Variants in CCBE1 observed in about 807,000 individuals in gnomAD.
The protein encoded by CCBE1 is collagen and calcium binding EGF domains 1.
A neutral mutation model predicts 50.0 loss-of-function variants in CCBE1; 37 were observed. The observed-to-expected ratio is 0.74, with a 90% CI of 0.57 to 0.97. The LOEUF (loss-of-function observed/expected upper bound fraction) is 0.97. Ranked by LOEUF, CCBE1 falls within the 50% of genes least tolerant of loss-of-function variation. The pLI is 0.00. For missense variants in CCBE1, 538 were observed against 523.8 expected (o/e 1.03, Z -0.26); for synonymous variants, 234 against 203.7 (o/e 1.15, Z -1.27).
intron 2 of CCBE1, among the ~76,000 whole-genome samples, chr18:59,548,913 GC>G (rs1177859547): frequency 6.6e-6 from 1 of 151,990 alleles, no homozygotes; most frequent in African/African-American, 2.4e-5. Context: ...GACCAGCCTG[GC>G]CAACATGGCA....
rs923328679 is a variant in CCBE1 at position 59,469,740 on chromosome 18, G to A, written c.266-133C>T. ...GAAGTGTGGACAGATATACTTGGAG[G>A]GACAGGAACTCTTTAGGGCTGTGGG... On this transcript the variant is annotated intron_variant, in intron 3 of 10. Transcript: ENST00000439986. 32 of 1,184,014 alleles carry A rather than the reference G, an allele frequency of 2.7e-5. No homozygotes were observed. The African/African-American group carries it at 3.6e-4, about 13-fold the overall frequency. 73.3% of individuals were successfully genotyped at this position (1,184,014 alleles called of 1,614,324 possible). A position where few individuals can be genotyped will look rare whatever the true frequency, so the allele number is the denominator to read the frequency against.
rs139926091 is a variant in CCBE1, at chr18:59,435,755, G to A, written c.*153C>T. On this transcript the variant is annotated 3_prime_UTR_variant, in exon 11 of 11. Coordinates refer to ENST00000439986, the MANE Select transcript of CCBE1 (RefSeq NM_133459.4). ...AGGAGGGGACTCTGAAAATAGCATC[G>A]TATTTGGAAGAAGAGGAGTGGAGAG... The A allele has an allele frequency of 3.0e-4, 234 of 768,392 alleles. No individual in the cohort carries two copies. In the African/African-American group the frequency reaches 3.2e-3, roughly 10 times the overall value. 47.6% of individuals were successfully genotyped at this position (768,392 alleles called of 1,614,324 possible). A position where few individuals can be genotyped will look rare whatever the true frequency, so the allele number is the denominator to read the frequency against.
At chr18:59,570,331 G>A (rs2052891233) in intron 2 of CCBE1, among the ~76,000 whole-genome samples, 1 of 152,204 alleles carries the variant, frequency 6.6e-6, no homozygotes, top group African/African-American at 2.4e-5. Context: ...AAAACGTTTA[G>A]TGAGGTCAAG....
At chr18:59,525,218 C>T (rs564667358) in intron 2 of CCBE1, among the ~76,000 whole-genome samples, 1 of 152,326 alleles carries the variant, frequency 6.6e-6, no homozygotes, top group South Asian at 2.1e-4. Flanking sequence ...TCCTCTCTTT[C>T]CACATCCTTG....
chr18:59,548,676 G>C (rs1459411083), intron 2 of CCBE1, among the ~76,000 whole-genome samples: 1 of 152,126 alleles, frequency 6.6e-6, no homozygotes, highest in African/African-American at 2.4e-5. Context: ...TTTGGGCCAG[G>C]CACAGTGGCT....
At chr18:59,598,469 A>G (rs2053386523) in intron 2 of CCBE1, among the ~76,000 whole-genome samples, 2 of 152,214 alleles carry the variant, frequency 1.3e-5, no homozygotes. Flanking sequence ...CAGGACCTAA[A>G]GCACACCCAG....
At chr18:59,541,203 G>C (rs1379962800) in intron 2 of CCBE1, among the ~76,000 whole-genome samples, 1 of 152,136 alleles carries the variant, frequency 6.6e-6, no homozygotes, top group African/African-American at 2.4e-5. Context: ...TATTACACTT[G>C]AATTAAGTAG....
At chr18:59,574,673 T>C (rs192211581) in intron 2 of CCBE1, among the ~76,000 whole-genome samples, 12 of 152,320 alleles carry the variant, frequency 7.9e-5, no homozygotes, top group Middle Eastern at 3.4e-3. Flanking sequence ...TTTGCAGGGA[T>C]ATTCTCTGTT....
intron 7 of CCBE1, among the ~76,000 whole-genome samples, chr18:59,446,327 C>T (rs1336701871): frequency 6.6e-6 from 1 of 152,170 alleles, no homozygotes; most frequent in African/African-American, 2.4e-5. Flanking sequence ...AGTTGACTTC[C>T]TCCAGAGAAG....
At chr18:59,514,291 G>A (rs928575120) in intron 2 of CCBE1, among the ~76,000 whole-genome samples, 1 of 152,118 alleles carries the variant, frequency 6.6e-6, no homozygotes, top group East Asian at 1.9e-4. Flanking sequence ...AATCAGTGGC[G>A]TTTAATAAGT....
At chr18:59,511,097 C>T (rs533033230) in intron 2 of CCBE1, among the ~76,000 whole-genome samples, 6 of 152,308 alleles carry the variant, frequency 3.9e-5, no homozygotes, top group Admixed American at 3.9e-4. Flanking sequence ...CCTGTGTCTT[C>T]AGGACTTTCT....
At chr18:59,548,331 C>A (rs939522154) in intron 2 of CCBE1, among the ~76,000 whole-genome samples, 29 of 152,312 alleles carry the variant, frequency 1.9e-4, no homozygotes, top group African/African-American at 6.5e-4. Context: ...TCTGATTTCT[C>A]TGGTTTCCAT....
intron 2 of CCBE1, among the ~76,000 whole-genome samples, chr18:59,695,908 A>G (rs1341528629): frequency 1.3e-5 from 2 of 152,188 alleles, no homozygotes; most frequent in East Asian, 3.8e-4. Context: ...CAAGAATTCA[A>G]TGGTGAAAAA....
intron 2 of CCBE1, among the ~76,000 whole-genome samples, chr18:59,666,723 T>G (rs1447588054): frequency 6.6e-6 from 1 of 152,008 alleles, no homozygotes; most frequent in Non-Finnish European, 1.5e-5. Context: ...TCCCAGAACG[T>G]TGGGAGGCCG....
intron 5 of CCBE1, chr18:59,465,063 A>C (rs1260003367): frequency 6.6e-6 from 1 of 152,232 alleles, no homozygotes; most frequent in African/African-American, 2.4e-5. Flanking sequence ...GTGTGGCACC[A>C]GCCTCAGGCC....
chr18:59,593,419 A>G (rs1053683975), intron 2 of CCBE1, among the ~76,000 whole-genome samples: 1 of 152,244 alleles, frequency 6.6e-6, no homozygotes, highest in Non-Finnish European at 1.5e-5. Context: ...GTAGATTGTA[A>G]GTATTGCCAA....
At chr18:59,647,398 A>G (rs191188185) in intron 2 of CCBE1, among the ~76,000 whole-genome samples, 1 of 152,244 alleles carries the variant, frequency 6.6e-6, no homozygotes, top group East Asian at 1.9e-4. Flanking sequence ...CTGGAAGGAT[A>G]TGCACTAAAA....
intron 2 of CCBE1, among the ~76,000 whole-genome samples, chr18:59,514,243 G>T (rs1914263126): frequency 6.6e-6 from 1 of 152,100 alleles, no homozygotes; most frequent in Admixed American, 6.6e-5. Flanking sequence ...AAAGATGCTG[G>T]ACCTGAATCT....
intron 2 of CCBE1, among the ~76,000 whole-genome samples, chr18:59,682,041 A>C (rs1014962285): frequency 6.6e-6 from 1 of 152,144 alleles, no homozygotes; most frequent in Admixed American, 6.5e-5. Flanking sequence ...CCTGCAGTGG[A>C]AGGTAGGGAG....
Sources: gnomAD v4.1 joint callset for allele counts (sites outside exome capture counted in the v4.1 genomes callset) on GRCh38, gnomAD v4.1.1 for gene constraint, MANE v1.5 for transcripts, NCBI Gene and HGNC (gene_info 2026-07-23, HGNC 2026-07-21) for gene names.